ARHGAP15: variants seen among roughly 807,000 people sequenced by gnomAD.
The protein encoded by ARHGAP15 is Rho GTPase activating protein 15, also known as rho GTPase-activating protein 15.
In ARHGAP15, 51 loss-of-function variants were observed where a neutral mutation model predicts 63.7. The observed-to-expected ratio is 0.80, with a 90% confidence interval of 0.64 to 1.01. The LOEUF is 1.01. Ranked by LOEUF, ARHGAP15 falls within the 50% of genes least tolerant of loss-of-function variation. The pLI is 0.00. For missense variants in ARHGAP15, 560 were observed against 564.6 expected, an observed-to-expected ratio of 0.99 and a Z score of 0.08; for synonymous variants, 191 against 193.8, an observed-to-expected ratio of 0.99 and a Z score of 0.12.
intron 6 of ARHGAP15, among the ~76,000 whole-genome samples, chr2:143,326,650 A>T (rs1439049473): frequency 1.3e-5 from 2 of 152,134 alleles, no homozygotes; most frequent in Non-Finnish European, 2.9e-5. Context: ...ACTATTTTCC[A>T]ATATTATTTC....
intron 11 of ARHGAP15, among the ~76,000 whole-genome samples, chr2:143,570,703 A>AT (rs1696413030): frequency 6.6e-6 from 1 of 152,216 alleles, no homozygotes; most frequent in Non-Finnish European, 1.5e-5. Context: ...GGTATTGGTG[A>AT]TTTTTATTGT....
intron 6 of ARHGAP15, among the ~76,000 whole-genome samples, chr2:143,431,322 A>C (rs945637579): frequency 6.6e-6 from 1 of 152,034 alleles, no homozygotes; most frequent in Non-Finnish European, 1.5e-5. Context: ...AATGATGCCA[A>C]TTTGATAGAA....
At chr2:143,721,839 A>C (rs1685073384) in intron 13 of ARHGAP15, among the ~76,000 whole-genome samples, 1 of 151,962 alleles carries the variant, frequency 6.6e-6, no homozygotes, top group Non-Finnish European at 1.5e-5. Context: ...GGCGCCCACC[A>C]CTGCGCCCAG....
At chr2:143,712,014 T>G (rs1684603179) in intron 13 of ARHGAP15, among the ~76,000 whole-genome samples, 1 of 152,162 alleles carries the variant, frequency 6.6e-6, no homozygotes, top group Non-Finnish European at 1.5e-5. Flanking sequence ...GAAATTTGTA[T>G]TCATAAAGAC....
intron 2 of ARHGAP15, among the ~76,000 whole-genome samples, chr2:143,175,590 T>C (rs72849979): frequency 0.025 from 3,809 of 152,240 alleles, 77 homozygotes; most frequent in Non-Finnish European, 0.043. Context: ...GGTATCCGCA[T>C]AGCACAGTGA....
In ARHGAP15 at chr2:143,239,990, C is replaced by CAAAAAAAAAAAAAAAA. The variant is rs60960176; in HGVS notation, c.385-10505_385-10490dup. ...TGGGTGATAGAGTGAGACTCTGTCT[C>CAAAAAAAAAAAAAAAA]AAAAAAAAAAAAAAAAAAAAAAAAA... On this transcript the variant is annotated intron_variant, in intron 5 of 13. Coordinates refer to ENST00000295095, the MANE Select transcript of ARHGAP15 (RefSeq NM_018460.4). Among the ~76,000 whole-genome samples, 3 of 26,468 alleles carry CAAAAAAAAAAAAAAAA rather than the reference C, an allele frequency of 1.1e-4. 1 individual carries two copies. Among genetic ancestry groups the CAAAAAAAAAAAAAAAA allele is most frequent in the South Asian group, 2.4e-3 (1 of 424 alleles). The allele number at this position is 26,468 out of a possible 152,430, so 17.4% of individuals were successfully genotyped here.
rs766490471 is a variant in ARHGAP15, at chr2:143,353,992, AT to A, written c.475-81597del. 6.1e-3 allele frequency among the ~76,000 whole-genome samples: 876 copies of A among 143,172 alleles called. 4 individuals carry two copies. Among genetic ancestry groups the A allele is most frequent in the African/African-American group, 0.017 (666 of 38,640 alleles). 93.9% of individuals were successfully genotyped at this position (143,172 alleles called of 152,430 possible). The stretch of plus-strand genomic sequence containing the variant: ...ACAGAGCAATTTTACCTGTTCAGGT[AT>A]TTTTTTTTTTTCTTCAAACAAGAAC... On this transcript the variant is annotated intron_variant, in intron 6 of 13. Coordinates refer to ENST00000295095, the MANE Select transcript of ARHGAP15 (RefSeq NM_018460.4).
chr2:143,145,025 T>C (rs1387743004), intron 1 of ARHGAP15, among the ~76,000 whole-genome samples: 1 of 152,076 alleles, frequency 6.6e-6, no homozygotes, highest in Non-Finnish European at 1.5e-5. Context: ...TAAATGGGAA[T>C]ATCTGTGGAA....
At chr2:143,519,135 T>C (rs767087252) in intron 9 of ARHGAP15, 131 bp from the exon 10 acceptor site, 19 of 607,342 alleles carry the variant, frequency 3.1e-5, no homozygotes, top group African/African-American at 1.5e-4. Context: ...ATAGACACTA[T>C]GGAAATAAAG....
intron 13 of ARHGAP15, among the ~76,000 whole-genome samples, chr2:143,716,586 C>T (rs1684822251): frequency 6.6e-6 from 1 of 152,148 alleles, no homozygotes; most frequent in African/African-American, 2.4e-5. Flanking sequence ...ACTTAAAAAG[C>T]TTGCCCTCTG....
intron 6 of ARHGAP15, among the ~76,000 whole-genome samples, chr2:143,284,157 T>G (rs1367665134): frequency 1.3e-5 from 2 of 152,186 alleles, no homozygotes; most frequent in Admixed American, 1.3e-4. Flanking sequence ...CTTGAAACTT[T>G]GGGCCAAGGC....
intron 2 of ARHGAP15, chr2:143,193,625 A>T (rs980230934): frequency 3.9e-5 from 6 of 152,634 alleles, no homozygotes; most frequent in African/African-American, 1.4e-4. Flanking sequence ...TTGACTGAGA[A>T]CCTGTTAATT....
chr2:143,635,119 ATACTC>A (rs758215090), intron 12 of ARHGAP15, among the ~76,000 whole-genome samples: 27 of 150,322 alleles, frequency 1.8e-4, no homozygotes, highest in Non-Finnish European at 3.7e-4. Flanking sequence ...TTGCCACACA[ATACTC>A]TAGCTTTGAA....
At chr2:143,609,064 C>T (rs1698155594) in intron 11 of ARHGAP15, among the ~76,000 whole-genome samples, 1 of 152,202 alleles carries the variant, frequency 6.6e-6, no homozygotes, top group Non-Finnish European at 1.5e-5. Flanking sequence ...ACATAAACTA[C>T]ACAATTTCAG....
chr2:143,694,498 T>C (rs534108407), intron 12 of ARHGAP15, among the ~76,000 whole-genome samples: 1 of 152,328 alleles, frequency 6.6e-6, no homozygotes, highest in South Asian at 2.1e-4. Flanking sequence ...GTAACCATGC[T>C]GTGACTCTAT....
At chr2:143,483,303 C>G (rs1057266592) in intron 8 of ARHGAP15, among the ~76,000 whole-genome samples, 3 of 152,046 alleles carry the variant, frequency 2.0e-5, no homozygotes, top group African/African-American at 7.2e-5. Flanking sequence ...CATAATCTAG[C>G]ATTTATACGT....
At chr2:143,143,432 G>A (rs1689451138) in intron 1 of ARHGAP15, among the ~76,000 whole-genome samples, 1 of 151,852 alleles carries the variant, frequency 6.6e-6, no homozygotes, top group African/African-American at 2.4e-5. Flanking sequence ...TAAGTAATGT[G>A]AACTGGCAAA....
chr2:143,309,301 C>G (rs1178493866), intron 6 of ARHGAP15, among the ~76,000 whole-genome samples: 1 of 152,012 alleles, frequency 6.6e-6, no homozygotes, highest in Non-Finnish European at 1.5e-5. Context: ...ATACAGATAC[C>G]ATTTGCAGCT....
At chr2:143,185,504 C>G (rs1008147050) in intron 2 of ARHGAP15, among the ~76,000 whole-genome samples, 1 of 152,146 alleles carries the variant, frequency 6.6e-6, no homozygotes, top group African/African-American at 2.4e-5. Flanking sequence ...GCAATATCCC[C>G]TAGGAGTGCT....
Sources: allele counts gnomAD v4.1 joint callset (sites outside exome capture counted in the v4.1 genomes callset), GRCh38; gene constraint gnomAD v4.1.1; transcripts MANE v1.5; gene names NCBI Gene and HGNC (gene_info 2026-07-23, HGNC 2026-07-21).